The following RSPH1 variants were observed in gnomAD, a reference collection of about 807,000 sequenced individuals.
The protein encoded by RSPH1 is radial spoke head 1 homolog.
RSPH1 carries 32 observed loss-of-function variants against 44.2 expected under a neutral mutation model. The observed-to-expected ratio is 0.72, with a 90% CI of 0.55 to 0.97. The LOEUF (loss-of-function observed/expected upper bound fraction) is 0.97. Among genes scored for constraint, RSPH1 ranks in the 50% least tolerant of loss-of-function variants. RSPH1 has a pLI of 0.00. For synonymous variants in RSPH1, 134 were observed against 147.3 expected (o/e 0.91, Z 0.65); for missense variants, 391 against 398.7 (o/e 0.98, Z 0.16).
intron 7 of RSPH1, among the ~76,000 whole-genome samples, chr21:42,476,734 G>A (rs568050806): frequency 9.2e-5 from 14 of 152,052 alleles, no homozygotes; most frequent in Non-Finnish European, 1.5e-4. Context: ...TGCTCCCCAT[G>A]GAATGAAGCA....
chr21:42,490,054 C>G (rs375134040), intron 3 of RSPH1, among the ~76,000 whole-genome samples: 142 of 152,248 alleles, frequency 9.3e-4, no homozygotes, highest in African/African-American at 3.3e-3. Flanking sequence ...TCAGTTGGCC[C>G]TACACCCCCA....
At chr21:42,475,822 G>A (rs2054040867) in intron 8 of RSPH1, 76 bp downstream of exon 8, 4 of 1,532,616 alleles carry the variant, frequency 2.6e-6, no homozygotes, top group East Asian at 2.3e-5. Flanking sequence ...AGGCCTTGGT[G>A]AAGGGAAGGG....
intron 1 of RSPH1, 96 bp downstream of exon 1, chr21:42,496,037 C>T: frequency 2.8e-6 from 4 of 1,412,454 alleles, no homozygotes; most frequent in Non-Finnish European, 2.0e-6. Flanking sequence ...TGGCTCAGAC[C>T]TCTGGTTTCT....
chr21:42,496,145 C>T lies in RSPH1; in HGVS notation c.42G>A (p.Glu14=). Residue 14 remains glutamate (E), a synonymous_variant, in exon 1 of 9, where the codon GAG becomes GAA. Transcript: ENST00000291536. ...LGSEELEEEG[E]NDIGEYEGGR... ...CAGGAGCTCTCACCCCAATATCATT[C>T]TCTCCCTCCTCCTCCAACTCCTCCG... The T allele has an allele frequency of 6.2e-7, 1 of 1,614,176 alleles. No individual in the cohort carries two copies. The highest frequency in any genetic ancestry group is 8.5e-7 in the Non-Finnish European group (1 of 1,180,004).
At chr21:42,489,106 T>C (rs1288647226) in intron 3 of RSPH1, among the ~76,000 whole-genome samples, 2 of 152,128 alleles carry the variant, frequency 1.3e-5, no homozygotes, top group Admixed American at 6.5e-5. Flanking sequence ...GTTGGCTGGC[T>C]GGTTGGTTGG....
At chr21:42,478,670 T>C (rs1464272397) in intron 6 of RSPH1, among the ~76,000 whole-genome samples, 2 of 152,196 alleles carry the variant, frequency 1.3e-5, no homozygotes, top group African/African-American at 4.8e-5. Flanking sequence ...AGCATCACCA[T>C]ATGACCCAGC....
chr21:42,472,788 T>A lies in RSPH1; in HGVS notation c.*30A>T. 6.4e-7 allele frequency: 1 copy of A among 1,564,000 alleles called. No homozygotes were observed. Among genetic ancestry groups the A allele is most frequent in the Non-Finnish European group, 8.8e-7 (1 of 1,136,688 alleles). On this transcript the variant is annotated 3_prime_UTR_variant, in exon 9 of 9. Coordinates refer to ENST00000291536, the MANE Select transcript of RSPH1 (RefSeq NM_080860.4). Reference sequence around the variant, plus strand: ...CCGGCTAACGACAGAAGCATTCTTATGATACGATCTCCTCTCGGCTCACTT... The same window carrying A: ...CCGGCTAACGACAGAAGCATTCTTAAGATACGATCTCCTCTCGGCTCACTT...
rs1304480178 is a variant in RSPH1, at chr21:42,474,270, T to C, written c.878-1400A>G. Among the ~76,000 whole-genome samples the C allele has an allele frequency of 6.6e-6, 1 of 152,182 alleles. No homozygotes were observed. Among genetic ancestry groups the C allele is most frequent in the Admixed American group, 6.5e-5 (1 of 15,286 alleles). ...TCCCCACCCCCACACTCTTCTGCTG[T>C]CAGACTCTGCTCTCTGCCTGGAATT... On this transcript the variant is annotated intron_variant, in intron 8 of 8. Coordinates refer to ENST00000291536, the MANE Select transcript of RSPH1 (RefSeq NM_080860.4). This position sits in a 1 kb window ranked among gnomAD's most constrained non-coding sequence, Gnocchi z 5.2.
At chr21:42,488,904 C>T (rs1308888495) in intron 3 of RSPH1, among the ~76,000 whole-genome samples, 2 of 152,156 alleles carry the variant, frequency 1.3e-5, no homozygotes, top group Non-Finnish European at 2.9e-5. Flanking sequence ...AGTCTTTCTA[C>T]CCCAATCCTA....
At chr21:42,486,633 C>T (rs1357270769) in intron 3 of RSPH1, among the ~76,000 whole-genome samples, 172 bp from the exon 4 acceptor site, 1 of 152,240 alleles carries the variant, frequency 6.6e-6, no homozygotes, top group African/African-American at 2.4e-5. Context: ...AGATTTTTAA[C>T]AGCACCGACC....
chr21:42,493,584 CCTTTG>C lies in RSPH1; in HGVS notation c.55-510_55-506del, dbSNP rs369107439. ...TGGGGCGGGGTGTGGCCTGAAGAGA[CCTTTG>C]CCCTGCAAGGAATTTCCGATGGAAG... is the stretch of plus-strand genomic sequence containing the variant. On this transcript the variant is annotated intron_variant, in intron 1 of 8. Coordinates refer to ENST00000291536, the MANE Select transcript of RSPH1 (RefSeq NM_080860.4). Among the ~76,000 whole-genome samples, 950 of 152,262 alleles carry C rather than the reference CCTTTG, an allele frequency of 6.2e-3. 6 individuals carry two copies. The highest frequency in any genetic ancestry group is 0.022 in the African/African-American group (907 of 41,544).
intron 7 of RSPH1, among the ~76,000 whole-genome samples, chr21:42,476,831 C>T (rs1267067598): frequency 6.6e-6 from 1 of 152,180 alleles, no homozygotes; most frequent in Non-Finnish European, 1.5e-5. Context: ...TCCTCCAATC[C>T]CAAAGGCTCT....
rs750438131 is a variant in RSPH1 at position 42,475,946 on chromosome 21, C to G, written c.829G>C (p.Glu277Gln). 6.2e-7 allele frequency: 1 copy of G among 1,612,368 alleles called. No homozygotes were observed. ...GDEDADVLREESREYDQEEFR... is the reference protein window; with the variant it reads ...GDEDADVLREQSREYDQEEFR... ...TCCTCCTGGTCATACTCCCGGCTCT[C>G]TTCCCGGAGGACGTCTGCATCTTCA... Residue 277 changes from glutamate (E) to glutamine (Q), a missense_variant, in exon 8 of 9, where the codon GAG becomes CAG. Coordinates refer to ENST00000291536, the MANE Select transcript of RSPH1 (RefSeq NM_080860.4).
chr21:42,479,726 T>TACACACACACAC (rs141751119), intron 6 of RSPH1, among the ~76,000 whole-genome samples: 6 of 145,238 alleles, frequency 4.1e-5, no homozygotes, highest in Admixed American at 1.4e-4. Context: ...TGTAGGAGGT[T>TACACACACACAC]ACACACACAC....
In RSPH1 at chr21:42,486,586, C is replaced by A. The variant is rs902232453; in HGVS notation, c.275-125G>T. 28 of 704,806 alleles carry A rather than the reference C, an allele frequency of 4.0e-5. 1 individual carries two copies. In the Admixed American group the frequency reaches 5.8e-4, roughly 15 times the overall value. The allele number at this position is 704,806 out of a possible 1,614,324, so 43.7% of individuals were successfully genotyped here. On this transcript the variant is annotated intron_variant, in intron 3 of 8. Transcript: ENST00000291536. ...GTGAAGCAAATGAAGCCCATGCACACACAGGCCCCTTCTGCTCAGGAAATC... is the reference window on the plus strand; with the variant it reads ...GTGAAGCAAATGAAGCCCATGCACAAACAGGCCCCTTCTGCTCAGGAAATC...
At chr21:42,475,080 C>T (rs557891564) in intron 8 of RSPH1, among the ~76,000 whole-genome samples, 2 of 152,274 alleles carry the variant, frequency 1.3e-5, no homozygotes, top group South Asian at 4.1e-4. Flanking sequence ...CGAGTCCTCT[C>T]TCCAGACTTT....
chr21:42,493,429 T>C (rs1489203163), intron 1 of RSPH1, among the ~76,000 whole-genome samples: 1 of 152,222 alleles, frequency 6.6e-6, no homozygotes, highest in African/African-American at 2.4e-5. Flanking sequence ...AGTAGGAACA[T>C]GCTTGAAATA....
At chr21:42,496,067 ACCCAACCTCGAGGTT>A in intron 1 of RSPH1, 51 bp downstream of exon 1, 1 of 1,592,982 alleles carries the variant, frequency 6.3e-7, no homozygotes, top group Non-Finnish European at 8.6e-7. Flanking sequence ...CACTCTCCAA[ACCCAACCTCGAGGTT>A]CCCCCGCCGC....
At chr21:42,478,811 G>A (rs987208143) in intron 6 of RSPH1, among the ~76,000 whole-genome samples, 2 of 152,314 alleles carry the variant, frequency 1.3e-5, no homozygotes, top group African/African-American at 4.8e-5. Context: ...TCCATCAACA[G>A]ACAAATGGAT....
Sources: gnomAD v4.1 joint callset for allele counts (sites outside exome capture counted in the v4.1 genomes callset) on GRCh38, gnomAD v4.1.1 for gene constraint, Gnocchi (gnomAD v3.1) non-coding constraint, MANE v1.5 for transcripts, NCBI Gene and HGNC (gene_info 2026-07-23, HGNC 2026-07-21) for gene names.